The following ZNF562 variants were observed in gnomAD, a reference collection of about 807,000 sequenced individuals.
The protein encoded by ZNF562 is zinc finger protein 562.
In ZNF562, 13 loss-of-function variants were observed where a neutral mutation model predicts 17.5. The observed-to-expected ratio is 0.74, with a 90% confidence interval of 0.48 to 1.18. The LOEUF is 1.18. ZNF562 is among the 50% of genes most tolerant of loss of function. ZNF562 has a pLI of 0.00. For missense variants in ZNF562, 481 were observed against 498.5 expected, an observed-to-expected ratio of 0.96 and a Z score of 0.33; for synonymous variants, 163 against 165.4, an observed-to-expected ratio of 0.99 and a Z score of 0.11.
rs779689948 is a variant in ZNF562, at chr19:9,652,937, C to T, written c.*12G>A. ...TGAGGAATACAGAAATTCTTTCCCACATATCTTGCATTTACCTTTCTCCAC... is the reference window on the plus strand; with the variant it reads ...TGAGGAATACAGAAATTCTTTCCCATATATCTTGCATTTACCTTTCTCCAC... On this transcript the variant is annotated 3_prime_UTR_variant, in exon 6 of 6. Coordinates refer to ENST00000453372, the MANE Select transcript of ZNF562 (RefSeq NM_001130031.2). 4 of 1,470,536 alleles carry T rather than the reference C, an allele frequency of 2.7e-6. No homozygotes were observed. Among genetic ancestry groups the T allele is most frequent in the South Asian group, 3.2e-5 (2 of 61,872 alleles). 91.1% of individuals were successfully genotyped at this position (1,470,536 alleles called of 1,614,324 possible). A position where few individuals can be genotyped will look rare whatever the true frequency, so the allele number is the denominator to read the frequency against.
chr19:9,660,088 C>CA (rs1175978470), intron 2 of ZNF562, among the ~76,000 whole-genome samples: 1,938 of 48,140 alleles, frequency 0.04, 152 homozygotes, highest in African/African-American at 0.083. Flanking sequence ...GACTCCATCT[C>CA]AAAAAAAAAA....
At position 9,653,191 on chromosome 19, in the gene ZNF562, T is replaced by C. The variant is rs748643712; in HGVS notation, c.1039A>G (p.Lys347Glu). The C allele has an allele frequency of 1.2e-6, 2 of 1,614,022 alleles. No individual in the cohort carries two copies. Among genetic ancestry groups the C allele is most frequent in the African/African-American group, 1.3e-5 (1 of 74,922 alleles). Residue 347 changes from lysine (K) to glutamate (E), a missense_variant, in exon 6 of 6, where the codon AAG becomes GAG. Physicochemically the swap from Lys to Glu is moderately conservative, Grantham distance 56. Coordinates refer to ENST00000453372, the MANE Select transcript of ZNF562 (RefSeq NM_001130031.2). ...THTGIKPYEC[K>E]ECGQAFTQYT... ...TGAGTGAAGGCTTGGCCACATTCCT[T>C]ACATTCATAGGGTTTTATTCCAGTG... is the stretch of plus-strand genomic sequence containing the variant.
chr19:9,652,102 G>A lies in ZNF562; in HGVS notation c.*847C>T, dbSNP rs748166703. 2.0e-5 allele frequency: 3 copies of A among 152,232 alleles called. No homozygotes were observed. The highest frequency in any genetic ancestry group is 4.4e-5 in the Non-Finnish European group (3 of 68,040). The allele number at this position is 152,232 out of a possible 1,614,324, so 9.4% of individuals were successfully genotyped here. On this transcript the variant is annotated 3_prime_UTR_variant, in exon 6 of 6. Transcript: ENST00000453372. ...AACAATCATTTGATAAAGAGATCAT[G>A]AGTGGGATTCATGGACTATATCAGC... is the stretch of plus-strand genomic sequence containing the variant.
chr19:9,668,473 G>GA lies in ZNF562; in HGVS notation c.-131+6541dup, dbSNP rs1298541876. On this transcript the variant is annotated intron_variant, in intron 1 of 5. Coordinates refer to ENST00000453372, the MANE Select transcript of ZNF562 (RefSeq NM_001130031.2). ...GATGAAACAAACTGTAGAGAATACA[G>GA]AAAAAAAATGGAAAGACATTCCATG... 4.0e-5 allele frequency among the ~76,000 whole-genome samples: 6 copies of GA among 151,514 alleles called. No homozygotes were observed. The East Asian group carries it at 5.8e-4, about 15-fold the overall frequency.
Position 9,647,619 on chromosome 19 carries a change from G to A in ZNF562, c.*5330C>T, listed in dbSNP as rs1599256829. 1 of 152,226 alleles carries A rather than the reference G, an allele frequency of 6.6e-6. No individual in the cohort carries two copies. The highest frequency in any genetic ancestry group is 1.9e-4 in the East Asian group (1 of 5,142). 9.4% of individuals were successfully genotyped at this position (152,226 alleles called of 1,614,324 possible). A position where few individuals can be genotyped will look rare whatever the true frequency, so the allele number is the denominator to read the frequency against. On this transcript the variant is annotated 3_prime_UTR_variant, in exon 6 of 6. Transcript: ENST00000453372. ...TGTAATCCCAGTACTTTGGGAGTAT[G>A]AGGCATGCAGATCACCTGAGGTCAG...
chr19:9,669,594 G>A (rs1396340678), intron 1 of ZNF562, among the ~76,000 whole-genome samples: 1 of 152,082 alleles, frequency 6.6e-6, no homozygotes, highest in Non-Finnish European at 1.5e-5. Flanking sequence ...GGCTGCGGTG[G>A]GAGATCACTT....
rs2043368206 is a variant in ZNF562, at chr19:9,654,016, A to G, written c.349-135T>C. On this transcript the variant is annotated intron_variant, in intron 5 of 5. Transcript: ENST00000453372. ...AATTTTTTTTTTTTTTTTGAGACAGAGTCTTGTTCTATCTCCCAGTCTACA... is the reference window on the plus strand; with the variant it reads ...AATTTTTTTTTTTTTTTTGAGACAGGGTCTTGTTCTATCTCCCAGTCTACA... 7.7e-6 allele frequency: 8 copies of G among 1,032,684 alleles called. No homozygotes were observed. In the East Asian group the frequency reaches 2.3e-4, roughly 29 times the overall value. The allele number at this position is 1,032,684 out of a possible 1,614,324, so 64.0% of individuals were successfully genotyped here. A position where few individuals can be genotyped will look rare whatever the true frequency, so the allele number is the denominator to read the frequency against.
intron 1 of ZNF562, among the ~76,000 whole-genome samples, chr19:9,667,536 CAAAT>C (rs1401494756): frequency 3.3e-5 from 5 of 152,162 alleles, no homozygotes; most frequent in African/African-American, 9.6e-5. Context: ...GCAAGAGAAA[CAAAT>C]AAAGGGCATC....
At chr19:9,659,634 C>T (rs2043647231) in intron 2 of ZNF562, among the ~76,000 whole-genome samples, 167 bp from the exon 3 acceptor site, 1 of 151,922 alleles carries the variant, frequency 6.6e-6, no homozygotes, top group African/African-American at 2.4e-5. Context: ...TCACCTAGAC[C>T]CAGAAAAGCA....
At chr19:9,664,669 G>A (rs2043878966) in intron 1 of ZNF562, among the ~76,000 whole-genome samples, 1 of 152,194 alleles carries the variant, frequency 6.6e-6, no homozygotes. Context: ...GCTGGATGCA[G>A]TAGCTCACAC....
Position 9,660,782 on chromosome 19 carries a change from C to G in ZNF562, c.-38G>C, listed in dbSNP as rs112105122. On this transcript the variant is annotated 5_prime_UTR_variant, in exon 2 of 6. Transcript: ENST00000453372. Reference sequence around the variant, plus strand: ...ATGGTGAGATGTGCCTCAATGCTGTCTTTCTTGATGCCAAGATCGCCTCAG... The same window carrying G: ...ATGGTGAGATGTGCCTCAATGCTGTGTTTCTTGATGCCAAGATCGCCTCAG... The G allele has an allele frequency of 5.6e-6, 9 of 1,611,524 alleles. No homozygotes were observed. In the African/African-American group the frequency reaches 1.2e-4, roughly 22 times the overall value.
chr19:9,655,515 C>T (rs2043435445), intron 5 of ZNF562, among the ~76,000 whole-genome samples: 1 of 151,980 alleles, frequency 6.6e-6, no homozygotes. Context: ...CCAACTCCAC[C>T]TCCCGTGTTT....
At position 9,675,014 on chromosome 19, in the gene ZNF562, C is replaced by T. The variant is rs957461915; in HGVS notation, c.-131+1G>A. The T allele has an allele frequency of 1.5e-5, 2 of 135,058 alleles. No homozygotes were observed. Among genetic ancestry groups the T allele is most frequent in the African/African-American group, 6.6e-5 (2 of 30,326 alleles). 8.4% of individuals were successfully genotyped at this position (135,058 alleles called of 1,614,324 possible). ...CGGACCCCCAAGCAGGTAGAACTCA[C>T]CACAGCGGGGTGGACTCCACCACAA... On this transcript the variant is annotated splice_donor_variant, in intron 1 of 5. Coordinates refer to ENST00000453372, the MANE Select transcript of ZNF562 (RefSeq NM_001130031.2). LOFTEE classifies it low-confidence loss of function (5UTR_SPLICE).
chr19:9,663,046 C>T (rs754962479), intron 1 of ZNF562, among the ~76,000 whole-genome samples: 3 of 151,448 alleles, frequency 2.0e-5, no homozygotes, highest in Non-Finnish European at 4.4e-5. Context: ...AGAATGAACA[C>T]AACAGTTGCC....
intron 1 of ZNF562, among the ~76,000 whole-genome samples, chr19:9,663,836 G>A (rs1287513595): frequency 2.6e-5 from 4 of 151,322 alleles, no homozygotes; most frequent in Admixed American, 2.6e-4. Flanking sequence ...AGAGTAGCTG[G>A]GACTCCCTAG....
Position 9,645,231 on chromosome 19 carries a change from G to A in ZNF562, c.*7718C>T, listed in dbSNP as rs1352936986. On this transcript the variant is annotated 3_prime_UTR_variant, in exon 6 of 6. Transcript: ENST00000453372. ...CCAGCTAATTTTTGTATTTTTAGTAGAGATGGGGGTTCACCATGTTGCCCA... is the reference window on the plus strand; with the variant it reads ...CCAGCTAATTTTTGTATTTTTAGTAAAGATGGGGGTTCACCATGTTGCCCA... The A allele has an allele frequency of 6.6e-6, 1 of 152,060 alleles. No homozygotes were observed. Among genetic ancestry groups the A allele is most frequent in the Non-Finnish European group, 1.5e-5 (1 of 68,066 alleles). 9.4% of individuals were successfully genotyped at this position (152,060 alleles called of 1,614,324 possible). A position where few individuals can be genotyped will look rare whatever the true frequency, so the allele number is the denominator to read the frequency against.
At chr19:9,672,627 C>T (rs749406396) in intron 1 of ZNF562, among the ~76,000 whole-genome samples, 22 of 152,070 alleles carry the variant, frequency 1.4e-4, no homozygotes, top group Admixed American at 3.9e-4. Context: ...GAATACTATT[C>T]TGATTATAAT....
intron 1 of ZNF562, among the ~76,000 whole-genome samples, chr19:9,664,257 CTG>C (rs1395321373): frequency 3.9e-5 from 6 of 152,122 alleles, no homozygotes; most frequent in African/African-American, 1.4e-4. Context: ...TTAGTAGAGA[CTG>C]TGTTTCTCCA....
At chr19:9,671,725 T>G (rs908875366) in intron 1 of ZNF562, among the ~76,000 whole-genome samples, 2 of 152,238 alleles carry the variant, frequency 1.3e-5, no homozygotes, top group Non-Finnish European at 2.9e-5. Flanking sequence ...ATGTTATTTA[T>G]TGGAAGCCTC....
Sources: allele counts gnomAD v4.1 joint callset (sites outside exome capture counted in the v4.1 genomes callset), GRCh38; gene constraint gnomAD v4.1.1; transcripts MANE v1.5; gene names NCBI Gene and HGNC (gene_info 2026-07-23, HGNC 2026-07-21).